ELAPOR2: variants seen among roughly 807,000 people sequenced by gnomAD.
ELAPOR2 encodes the protein endosome/lysosome-associated apoptosis and autophagy regulator family member 2.
Under a neutral mutation model 120.7 loss-of-function variants are expected in ELAPOR2, and 89 were observed. The observed-to-expected ratio is 0.74, with a 90% CI of 0.62 to 0.88. The LOEUF is 0.88. Ranked by LOEUF, ELAPOR2 falls within the 40% of genes least tolerant of loss-of-function variation. The pLI, the probability that ELAPOR2 is intolerant of heterozygous loss-of-function variation, is 0.00. For synonymous variants in ELAPOR2, 444 were observed against 444.9 expected (o/e 1.00, Z 0.03); for missense variants, 1,134 against 1,251.6 (o/e 0.91, Z 1.42).
chr7:86,997,324 G>C (rs911335089), intron 1 of ELAPOR2, among the ~76,000 whole-genome samples: 1 of 152,074 alleles, frequency 6.6e-6, no homozygotes, highest in Non-Finnish European at 1.5e-5. Context: ...AGCCACTATG[G>C]TTCTCCAGAG....
chr7:86,946,347 A>G (rs1361732312), intron 3 of ELAPOR2, among the ~76,000 whole-genome samples: 1 of 152,222 alleles, frequency 6.6e-6, no homozygotes, highest in African/African-American at 2.4e-5. Context: ...TAGAAAGTTC[A>G]ACATACATCT....
intron 1 of ELAPOR2, among the ~76,000 whole-genome samples, chr7:87,057,132 C>T (rs1217620283): frequency 6.6e-6 from 1 of 152,196 alleles, no homozygotes; most frequent in African/African-American, 2.4e-5. Flanking sequence ...TTAACTGTGT[C>T]TTTATTCACA....
At chr7:86,985,196 A>C (rs922847105) in intron 1 of ELAPOR2, among the ~76,000 whole-genome samples, 8 of 152,242 alleles carry the variant, frequency 5.3e-5, no homozygotes, top group Non-Finnish European at 8.8e-5. Flanking sequence ...TGAGGCAATA[A>C]TTAATGGCCT....
At chr7:86,896,627 T>C (rs1258230766) in intron 19 of ELAPOR2, among the ~76,000 whole-genome samples, 2 of 152,108 alleles carry the variant, frequency 1.3e-5, no homozygotes, top group African/African-American at 4.8e-5. Context: ...GCTTCTTTAT[T>C]ATGATTTTAA....
chr7:86,978,218 T>C (rs1416778353), intron 1 of ELAPOR2, among the ~76,000 whole-genome samples: 1 of 152,186 alleles, frequency 6.6e-6, no homozygotes. Flanking sequence ...CCTGCCACCC[T>C]GTGAAGAGGT....
At chr7:86,910,055 T>C in intron 15 of ELAPOR2, 54 bp from the exon 16 acceptor site, 1 of 1,404,794 alleles carries the variant, frequency 7.1e-7, no homozygotes, top group Non-Finnish European at 9.8e-7. Context: ...ATCTCTAAAC[T>C]TAATCTTGAC....
chr7:86,943,045 C>A (rs189868855), intron 4 of ELAPOR2, among the ~76,000 whole-genome samples: 1 of 152,142 alleles, frequency 6.6e-6, no homozygotes, highest in Admixed American at 6.5e-5. Context: ...ACTGAGGGTA[C>A]TTACTTTAAT....
Position 86,881,344 on chromosome 7 carries a change from G to C in ELAPOR2, c.3031-814C>G, listed in dbSNP as rs138505529. On this transcript the variant is annotated intron_variant, in intron 21 of 21. Coordinates refer to ENST00000450689, the MANE Select transcript of ELAPOR2 (RefSeq NM_001142749.3). ...CCCGAGTAGCTGGGACCTCAGATGC[G>C]AGCAAGCACGCCCTTTTTTTTTTTT... Among the ~76,000 whole-genome samples the C allele has an allele frequency of 5.9e-3, 889 of 150,252 alleles. 12 individuals carry two copies. The highest frequency in any genetic ancestry group is 0.02 in the African/African-American group (809 of 40,922).
intron 1 of ELAPOR2, among the ~76,000 whole-genome samples, chr7:87,040,210 G>A (rs1465315920): frequency 1.3e-5 from 2 of 152,250 alleles, no homozygotes; most frequent in African/African-American, 2.4e-5. Context: ...GCCCGCCATT[G>A]CCCAGGCTTG....
At chr7:87,043,070 G>A (rs1443867839) in intron 1 of ELAPOR2, among the ~76,000 whole-genome samples, 2 of 151,988 alleles carry the variant, frequency 1.3e-5, no homozygotes, top group African/African-American at 2.4e-5. Flanking sequence ...GGAAGAAGTT[G>A]AATCTCTGAA....
At position 86,940,488 on chromosome 7, in the gene ELAPOR2, A is replaced by G. The variant is rs1252081750; in HGVS notation, c.742-373T>C. 3.9e-5 allele frequency among the ~76,000 whole-genome samples: 6 copies of G among 152,158 alleles called. No individual in the cohort carries two copies. The East Asian group carries it at 1.2e-3, about 29-fold the overall frequency. Reference sequence around the variant, plus strand: ...TTTATAAGTTGCCACTATTTATAAGATCTTTGAGTTCTGAAAACAAAAGGC... The same window carrying G: ...TTTATAAGTTGCCACTATTTATAAGGTCTTTGAGTTCTGAAAACAAAAGGC... On this transcript the variant is annotated intron_variant, in intron 5 of 21. Transcript: ENST00000450689.
chr7:86,983,231 G>C (rs569549563), intron 1 of ELAPOR2, among the ~76,000 whole-genome samples: 2 of 152,164 alleles, frequency 1.3e-5, no homozygotes, highest in African/African-American at 4.8e-5. Flanking sequence ...TGAAAGTGAC[G>C]GGCAGAATGG....
At chr7:87,040,837 C>G (rs1193491723) in intron 1 of ELAPOR2, among the ~76,000 whole-genome samples, 1 of 152,026 alleles carries the variant, frequency 6.6e-6, no homozygotes, top group African/African-American at 2.4e-5. Context: ...GACATTCAAA[C>G]CAAAGGCAAA....
At chr7:86,966,451 C>T (rs1791906971) in intron 1 of ELAPOR2, among the ~76,000 whole-genome samples, 1 of 152,160 alleles carries the variant, frequency 6.6e-6, no homozygotes, top group Admixed American at 6.5e-5. Context: ...TCACTTCCTT[C>T]TGAGCCTTCA....
rs548900979 is a variant in ELAPOR2 at position 86,984,830 on chromosome 7, A to C, written c.190-19806T>G. 1.3e-4 allele frequency among the ~76,000 whole-genome samples: 20 copies of C among 152,358 alleles called. 1 individual carries two copies. Among genetic ancestry groups the C allele is most frequent in the Non-Finnish European group, 1.5e-4 (10 of 68,038 alleles). The stretch of plus-strand genomic sequence containing the variant: ...AGCTAGCAAAAGGCAAGAAATAACT[A>C]AGATCAGAGCATAACTGAAGGAGAT... On this transcript the variant is annotated intron_variant, in intron 1 of 21. Transcript: ENST00000450689.
intron 1 of ELAPOR2, among the ~76,000 whole-genome samples, chr7:87,058,247 G>C (rs896430176): frequency 2.0e-5 from 3 of 152,130 alleles, no homozygotes; most frequent in African/African-American, 7.2e-5. Context: ...GTAAAATTCA[G>C]AAGTTAGAGC....
At chr7:87,035,059 C>G (rs1186618231) in intron 1 of ELAPOR2, among the ~76,000 whole-genome samples, 1 of 148,146 alleles carries the variant, frequency 6.8e-6, no homozygotes, top group Non-Finnish European at 1.5e-5. Flanking sequence ...ACACTCCAGC[C>G]TGGACAAAAA....
Position 86,994,624 on chromosome 7 carries a change from G to A in ELAPOR2, c.190-29600C>T, listed in dbSNP as rs80329301. On this transcript the variant is annotated intron_variant, in intron 1 of 21. Transcript: ENST00000450689. ...TTTCTGAAAAATTTCTCCAGTCACT[G>A]AGCTTGGGCAGGGTGGTTAGTTTCA... is the stretch of plus-strand genomic sequence containing the variant. Among the ~76,000 whole-genome samples, 140 of 152,258 alleles carry A rather than the reference G, an allele frequency of 9.2e-4. 1 individual carries two copies. Among genetic ancestry groups the A allele is most frequent in the East Asian group, 6.4e-3 (33 of 5,172 alleles).
In ELAPOR2 at chr7:86,918,535, T is replaced by C; in HGVS notation, c.1500A>G (p.Thr500=). 4 of 1,603,908 alleles carry C rather than the reference T, an allele frequency of 2.5e-6. No individual in the cohort carries two copies. The highest frequency in any genetic ancestry group is 1.7e-4 in the Middle Eastern group (1 of 6,034). ...CAGAACCCGTGGCTCCAGTCATAGA[T>C]GTTGGTGGTCTATTTGACAGATTAA... The part of the protein sequence containing the change: ...NLHIPGFKPP[T]SMTGATGSEL... Residue 500 remains threonine, a synonymous_variant, in exon 12 of 22, where the codon ACA becomes ACG. Transcript: ENST00000450689.
Sources: allele counts gnomAD v4.1 joint callset (sites outside exome capture counted in the v4.1 genomes callset), GRCh38; gene constraint gnomAD v4.1.1; transcripts MANE v1.5; gene names NCBI Gene and HGNC (gene_info 2026-07-23, HGNC 2026-07-21).